SHISAL1: variants seen among roughly 807,000 people sequenced by gnomAD.
SHISAL1 encodes protein shisa-like-1.
Under a neutral mutation model 22.6 loss-of-function variants are expected in SHISAL1, and 9 were observed. That is an observed-to-expected ratio of 0.40 (90% CI 0.24 to 0.70). The LOEUF (loss-of-function observed/expected upper bound fraction) is 0.70. SHISAL1 is among the 30% of genes least tolerant of loss of function. The pLI is 0.39. For missense variants in SHISAL1, 246 were observed against 270.6 expected (o/e 0.91, Z 0.64); for synonymous variants, 119 against 115.4 (o/e 1.03, Z -0.20).
intron 1 of SHISAL1, 93 bp from the exon 2 acceptor site, chr22:44,301,070 G>A (rs551752737): frequency 2.3e-5 from 18 of 786,668 alleles, no homozygotes; most frequent in East Asian, 8.4e-5. Flanking sequence ...GGCGGGCAGC[G>A]GGCAGGAGAG....
chr22:44,289,836 T>A (rs1318230685), intron 3 of SHISAL1, among the ~76,000 whole-genome samples: 2 of 151,974 alleles, frequency 1.3e-5, no homozygotes, highest in Non-Finnish European at 2.9e-5. Context: ...GATGCAGGGG[T>A]CTTTGTTGTG....
At chr22:44,326,037 C>A in the SHISAL1 span, among the ~76,000 whole-genome samples, 1 of 151,982 alleles carries the variant, frequency 6.6e-6, no homozygotes, top group South Asian at 2.1e-4. Flanking sequence ...TTCAAATCGC[C>A]CCTCCTCGCC....
At chr22:44,280,569 G>C (rs996823535) in intron 4 of SHISAL1, among the ~76,000 whole-genome samples, 1 of 152,174 alleles carries the variant, frequency 6.6e-6, no homozygotes, top group Non-Finnish European at 1.5e-5. Context: ...GCAGCCTGAA[G>C]CTTCAGGAGG....
At chr22:44,281,941 C>G (rs779067162) in intron 4 of SHISAL1, among the ~76,000 whole-genome samples, 1 of 152,230 alleles carries the variant, frequency 6.6e-6, no homozygotes, top group Admixed American at 6.5e-5. Flanking sequence ...TGCCTGGCCA[C>G]GCGATTCGGC....
intron 3 of SHISAL1, among the ~76,000 whole-genome samples, chr22:44,288,703 G>A (rs2055333105): frequency 6.6e-6 from 1 of 152,188 alleles, no homozygotes; most frequent in African/African-American, 2.4e-5. Flanking sequence ...CTTGCCTGGA[G>A]GCCTTTGTCC....
At chr22:44,262,911 C>T (rs117204867) in intron 4 of SHISAL1, among the ~76,000 whole-genome samples, 1 of 152,160 alleles carries the variant, frequency 6.6e-6, no homozygotes, top group African/African-American at 2.4e-5. Context: ...AATAACCCTT[C>T]CCGCAGACGA....
rs1261307645 is a variant in SHISAL1 at position 44,247,669 on chromosome 22, A to G, written c.*2016T>C. 1.3e-5 allele frequency: 2 copies of G among 152,282 alleles called. No individual in the cohort carries two copies. The highest frequency in any genetic ancestry group is 4.8e-5 in the African/African-American group (2 of 41,466). 9.4% of individuals were successfully genotyped at this position (152,282 alleles called of 1,614,324 possible). A position where few individuals can be genotyped will look rare whatever the true frequency, so the allele number is the denominator to read the frequency against. ...CCCAGCTGAGTCTGTCTTCTTGTCCATAAAATGGGGAGAGCCCCTTCTTCA... is the reference window on the plus strand; with the variant it reads ...CCCAGCTGAGTCTGTCTTCTTGTCCGTAAAATGGGGAGAGCCCCTTCTTCA... On this transcript the variant is annotated 3_prime_UTR_variant, in exon 5 of 5. Transcript: ENST00000381176.
At chr22:44,318,335 A>C in the SHISAL1 span, among the ~76,000 whole-genome samples, 5 of 152,262 alleles carry the variant, frequency 3.3e-5, no homozygotes, top group African/African-American at 1.2e-4. Flanking sequence ...TTGGCTCACA[A>C]ATTTCTGGGG....
At chr22:44,278,901 G>A (rs1245001186) in intron 4 of SHISAL1, among the ~76,000 whole-genome samples, 2 of 152,252 alleles carry the variant, frequency 1.3e-5, no homozygotes, top group East Asian at 3.9e-4. Flanking sequence ...ACCAGGGCGT[G>A]GGTAGGAGGA....
chr22:44,249,976 C>T (rs2055035895), intron 4 of SHISAL1, among the ~76,000 whole-genome samples: 2 of 152,132 alleles, frequency 1.3e-5, no homozygotes, highest in South Asian at 2.1e-4. Context: ...GGATAACTTA[C>T]ATAGAAAATT....
intron 4 of SHISAL1, among the ~76,000 whole-genome samples, chr22:44,256,777 G>A (rs755126871): frequency 4.7e-5 from 7 of 150,232 alleles, no homozygotes. Flanking sequence ...AAGATGAACT[G>A]AACAAACAGA....
chr22:44,274,038 T>C (rs1291285839), intron 4 of SHISAL1, among the ~76,000 whole-genome samples: 2 of 151,780 alleles, frequency 1.3e-5, no homozygotes, highest in Non-Finnish European at 2.9e-5. Context: ...GCTGACATAG[T>C]GAACCTCCCG....
intron 4 of SHISAL1, among the ~76,000 whole-genome samples, chr22:44,280,896 C>T (rs2055272002): frequency 6.6e-6 from 1 of 152,060 alleles, no homozygotes; most frequent in Non-Finnish European, 1.5e-5. Flanking sequence ...ACTGCCTGTG[C>T]CCCGGATTTG....
chr22:44,276,726 G>C (rs2055242230), intron 4 of SHISAL1, among the ~76,000 whole-genome samples: 1 of 152,188 alleles, frequency 6.6e-6, no homozygotes, highest in South Asian at 2.1e-4. Flanking sequence ...TTGAGGACTA[G>C]GCTCTGCAAT....
chr22:44,287,754 A>G (rs764780073), intron 3 of SHISAL1, among the ~76,000 whole-genome samples: 21 of 152,130 alleles, frequency 1.4e-4, no homozygotes, highest in Admixed American at 3.3e-4. Flanking sequence ...CCCATCCAGT[A>G]TGCTGGGGCA....
the SHISAL1 span, among the ~76,000 whole-genome samples, chr22:44,318,097 G>T: frequency 6.6e-6 from 1 of 152,220 alleles, no homozygotes; most frequent in East Asian, 1.9e-4. Context: ...GCCCATCCAG[G>T]AGCCCACCGT....
At chr22:44,286,757 G>A (rs150230712) in intron 3 of SHISAL1, among the ~76,000 whole-genome samples, 45 of 152,224 alleles carry the variant, frequency 3.0e-4, no homozygotes, top group South Asian at 1.7e-3. Context: ...AAGTCTCCCC[G>A]ACCTGTGCCC....
chr22:44,325,522 G>T, the SHISAL1 span, among the ~76,000 whole-genome samples: 1 of 152,168 alleles, frequency 6.6e-6, no homozygotes, highest in African/African-American at 2.4e-5. Context: ...ATTCATGTCT[G>T]TAGTTCTTTA....
chr22:44,293,942 TC>T (rs1163811483), intron 3 of SHISAL1, among the ~76,000 whole-genome samples: 2 of 152,208 alleles, frequency 1.3e-5, no homozygotes, highest in African/African-American at 4.8e-5. Context: ...AGTGGAGTGT[TC>T]CGTGTGAAAT....
Sources: allele counts gnomAD v4.1 joint callset (sites outside exome capture counted in the v4.1 genomes callset), GRCh38; gene constraint gnomAD v4.1.1; transcripts MANE v1.5; gene names NCBI Gene and HGNC (gene_info 2026-07-23, HGNC 2026-07-21).